Variants in TNC observed in about 807,000 individuals in gnomAD.
The protein encoded by TNC is tenascin.
A neutral mutation model predicts 202.4 loss-of-function variants in TNC; 109 were observed. The ratio of observed to expected loss-of-function variants is 0.54; its 90% CI spans 0.46 to 0.63. TNC has a LOEUF of 0.63. Ranked by LOEUF, TNC falls within the 30% of genes least tolerant of loss-of-function variation. The pLI, the probability that TNC is intolerant of heterozygous loss-of-function variation, is 0.00. For missense variants in TNC, 2,756 were observed against 2,833.3 expected (o/e 0.97, Z 0.62); for synonymous variants, 1,007 against 1,089.7 (o/e 0.92, Z 1.50).
Position 115,020,655 on chromosome 9 carries a change from A to G in TNC, c.*502T>C, listed in dbSNP as rs1330581005. The stretch of plus-strand genomic sequence containing the variant: ...TCATCATCATCATCATCATTATTAT[A>G]TTAATAATATTAATCATATCCTTAA... On this transcript the variant is annotated 3_prime_UTR_variant, in exon 28 of 28. Transcript: ENST00000350763. 2.8e-6 allele frequency: 1 copy of G among 358,426 alleles called. No homozygotes were observed. Among genetic ancestry groups the G allele is most frequent in the East Asian group, 7.6e-5 (1 of 13,188 alleles). 22.2% of individuals were successfully genotyped at this position (358,426 alleles called of 1,614,324 possible). A position where few individuals can be genotyped will look rare whatever the true frequency, so the allele number is the denominator to read the frequency against.
At chr9:115,023,037 CA>C (rs112725157) in intron 27 of TNC, among the ~76,000 whole-genome samples, 1,633 of 122,082 alleles carry the variant, frequency 0.013, 15 homozygotes, top group East Asian at 0.033. Context: ...TGCAAATATG[CA>C]AAAAAAAAAA....
Position 115,077,990 on chromosome 9 carries a change from C to T in TNC, c.2627G>A (p.Arg876His), listed in dbSNP as rs767970567. ...DTEYEVSLIS[R>H]RGDMSSNPAK... ...TGGGTTGCTTGACATGTCACCTCTGCGGGAGATGAGGGACACCTCGTACTC... is the reference window on the plus strand; with the variant it reads ...TGGGTTGCTTGACATGTCACCTCTGTGGGAGATGAGGGACACCTCGTACTC... Residue 876 changes from arginine to histidine, a missense_variant, in exon 7 of 28, where the codon CGC becomes CAC. Transcript: ENST00000350763. 9 of 1,614,172 alleles carry T rather than the reference C, an allele frequency of 5.6e-6. No homozygotes were observed. The highest frequency in any genetic ancestry group is 3.3e-5 in the South Asian group (3 of 91,088).
Position 115,057,167 on chromosome 9 carries a change from G to A in TNC, c.4565C>T (p.Ala1522Val), listed in dbSNP as rs769471200. 5 of 1,612,854 alleles carry A rather than the reference G, an allele frequency of 3.1e-6. No homozygotes were observed. The highest frequency in any genetic ancestry group is 3.3e-5 in the Admixed American group (2 of 59,922). Residue 1522 changes from alanine to valine, a missense_variant, in exon 15 of 28, where the codon GCC (alanine) becomes GTC (valine). By Grantham distance (64) the Ala-to-Val change is moderately conservative. Coordinates refer to ENST00000350763, the MANE Select transcript of TNC (RefSeq NM_002160.4). ...APSIRTKTIS[A>V]TATTEALPLL... ...TGCACATGTACCTGTCGTGGCTGTG[G>A]CACTGATGGTTTTGGTCCGGATGCT...
intron 1 of TNC, among the ~76,000 whole-genome samples, chr9:115,093,228 G>C (rs1272041): frequency 0.42 from 63,991 of 151,858 alleles, 13,819 homozygotes; most frequent in African/African-American, 0.51. Context: ...TAAGAAGGTC[G>C]TATCCACATA....
rs138416542 is a variant in TNC, at chr9:115,063,967, T to C, written c.3589A>G (p.Ile1197Val). 401 of 1,614,092 alleles carry C rather than the reference T, an allele frequency of 2.5e-4. 2 individuals are homozygous for C. In the South Asian group the frequency reaches 2.5e-3, roughly 10 times the overall value. The change falls in exon 12 of 28, where the codon ATT (isoleucine) becomes GTT (valine). Residue 1197 changes from isoleucine to valine, a missense_variant. Coordinates refer to ENST00000350763, the MANE Select transcript of TNC (RefSeq NM_002160.4). ...ACTGTGTCAGCCTCCTGCACCTGAA[T>C]GAAAAAGTACTCATAGGCCCCTTCT... ...APEGAYEYFF[I>V]QVQEADTVEA... is the part of the protein sequence containing the mutation.
rs2132168956 is a variant in TNC at position 115,048,240 on chromosome 9, G to T, written c.4852+20C>A. ...AGGGGACCAGGAAGAGGAACAAATG[G>T]CTCACTTGATTTGAAATACCTGTAA... On this transcript the variant is annotated intron_variant, in intron 16 of 27. Transcript: ENST00000350763. 1 of 1,608,894 alleles carries T rather than the reference G, an allele frequency of 6.2e-7. No homozygotes were observed. The highest frequency in any genetic ancestry group is 8.5e-7 in the Non-Finnish European group (1 of 1,176,716).
At position 115,063,980 on chromosome 9, in the gene TNC, A is replaced by G. The variant is rs1470197996; in HGVS notation, c.3576T>C (p.Tyr1192=). Residue 1192 remains tyrosine, a synonymous_variant, in exon 12 of 28, where the codon TAT becomes TAC. Transcript: ENST00000350763. ...CCTGCACCTGAATGAAAAAGTACTC[A>G]TAGGCCCCTTCTGGAGCAGTCCAGT... The part of the protein sequence containing the change: ...KLNWTAPEGA[Y]EYFFIQVQEA... 1.9e-6 allele frequency: 3 copies of G among 1,614,028 alleles called. No individual in the cohort carries two copies. In the Admixed American group the frequency reaches 5.0e-5, roughly 27 times the overall value.
chr9:115,065,649 C>G (rs1177127884), intron 10 of TNC, among the ~76,000 whole-genome samples: 1 of 151,884 alleles, frequency 6.6e-6, no homozygotes, highest in Non-Finnish European at 1.5e-5. Flanking sequence ...TCTTAGATAC[C>G]CTTCTTTTTT....
chr9:115,086,467 G>T lies in TNC; in HGVS notation c.1264C>A (p.Gln422Lys). The change falls in exon 3 of 28, where the codon CAG becomes AAG. Residue 422 changes from glutamine to lysine, a missense_variant. Gln to Lys is a moderately conservative substitution (Grantham distance 53, BLOSUM62 1). This residue lies in a region of TNC where 2,559 missense variants were observed against 2,546.0 expected (regional missense o/e 1.01). Coordinates refer to ENST00000350763, the MANE Select transcript of TNC (RefSeq NM_002160.4). The part of the protein sequence containing the change: ...CSGHGRCVNG[Q>K]CVCDEGYTGE... ...GTATAGCCCTCATCACACACACACT[G>T]CCCATTGACACAGCGGCCATGGCCA... The T allele has an allele frequency of 2.5e-6, 4 of 1,613,194 alleles. No individual in the cohort carries two copies. Among genetic ancestry groups the T allele is most frequent in the African/African-American group, 1.3e-5 (1 of 74,772 alleles).
In TNC at chr9:115,086,124, C is replaced by G. The variant is rs1163740562; in HGVS notation, c.1607G>C (p.Cys536Ser). The G allele has an allele frequency of 6.2e-7, 1 of 1,614,008 alleles. No individual in the cohort carries two copies. Among genetic ancestry groups the G allele is most frequent in the Non-Finnish European group, 8.5e-7 (1 of 1,179,908 alleles). The change falls in exon 3 of 28, where the codon TGC becomes TCC. Residue 536 changes from cysteine to serine, a missense_variant. Around this residue, in one of 2 missense-constraint regions of TNC, gnomAD observed 2,559 missense variants for 2,546.0 expected, o/e 1.01. Coordinates refer to ENST00000350763, the MANE Select transcript of TNC (RefSeq NM_002160.4). ...ATTCACACAGCGACCCTGGCCATGG[C>G]AGTCATTTGGACAGGAGAGTTCTGC... is the stretch of plus-strand genomic sequence containing the variant. ...DCAELSCPND[C>S]HGQGRCVNGQ... is the part of the protein sequence containing the mutation.
At chr9:115,064,312 A>G (rs925112236) in intron 11 of TNC, among the ~76,000 whole-genome samples, 4 of 152,036 alleles carry the variant, frequency 2.6e-5, no homozygotes, top group Non-Finnish European at 4.4e-5. Flanking sequence ...TAGATGAGAG[A>G]ATTTTGTGAT....
chr9:115,021,755 A>T (rs1271288687), intron 27 of TNC, among the ~76,000 whole-genome samples: 2 of 152,206 alleles, frequency 1.3e-5, no homozygotes, highest in African/African-American at 4.8e-5. Flanking sequence ...TTACAATTTG[A>T]CATATAGGGT....
At chr9:115,023,913 C>G (rs1034994820) in intron 27 of TNC, 60 bp downstream of exon 27, 9 of 1,561,424 alleles carry the variant, frequency 5.8e-6, no homozygotes, top group Non-Finnish European at 6.1e-6. Flanking sequence ...AATTGTACTT[C>G]CATTAGCCCC....
At chr9:115,022,442 A>C (rs76906475) in intron 27 of TNC, among the ~76,000 whole-genome samples, 5,871 of 152,300 alleles carry the variant, frequency 0.039, 270 homozygotes, top group East Asian at 0.14. Flanking sequence ...TGCAGAGGCC[A>C]CACAGCAGGA....
chr9:115,084,957 C>T (rs1834595882), intron 3 of TNC, among the ~76,000 whole-genome samples: 2 of 152,190 alleles, frequency 1.3e-5, no homozygotes, highest in Admixed American at 1.3e-4. Context: ...TCCCTGCCAG[C>T]CTGGTGTTCT....
Position 115,057,249 on chromosome 9 carries a change from T to C in TNC, c.4483A>G (p.Ile1495Val). The C allele has an allele frequency of 2.5e-6, 4 of 1,614,176 alleles. No homozygotes were observed. Among genetic ancestry groups the C allele is most frequent in the Non-Finnish European group, 3.4e-6 (4 of 1,180,028 alleles). ...NISGAERTAH[I>V]SGLPPSTDFI... ...TCAGTACTAGGGGGTAGCCCTGAGA[T>C]ATGGGCAGTTCGTTCAGCACCAGAG... is the stretch of plus-strand genomic sequence containing the variant. Residue 1495 changes from isoleucine to valine, a missense_variant, in exon 15 of 28, where the codon ATC becomes GTC. By Grantham distance (29) the Ile-to-Val change is conservative. This residue lies in a region of TNC where 2,559 missense variants were observed against 2,546.0 expected (regional missense o/e 1.01). Coordinates refer to ENST00000350763, the MANE Select transcript of TNC (RefSeq NM_002160.4).
rs2274835 is a variant in TNC at position 115,076,345 on chromosome 9, C to G, written c.2860+45G>C. 0.11 allele frequency: 181,433 copies of G among 1,602,214 alleles called. 10,894 individuals carry two copies. The highest frequency in any genetic ancestry group is 0.17 in the Middle Eastern group (1,003 of 5,922). On this transcript the variant is annotated intron_variant, in intron 8 of 27. Transcript: ENST00000350763. Reference sequence around the variant, plus strand: ...GAGCAGGTGCCCATCCTTTAAGGGCCCTCTAGGGCTGGCTGGCTCAGGCTT... The same window carrying G: ...GAGCAGGTGCCCATCCTTTAAGGGCGCTCTAGGGCTGGCTGGCTCAGGCTT...
rs1039764335 is a variant in TNC, at chr9:115,091,162, C to T, written c.-136-8G>A. On this transcript the variant is annotated splice_polypyrimidine_tract_variant and splice_region_variant and intron_variant, in intron 1 of 27. Coordinates refer to ENST00000350763, the MANE Select transcript of TNC (RefSeq NM_002160.4). ...TCTTGAAAGAATTATTTTCTACAAG[C>T]AAAGATGAACAAAAAAATTATGAGT... is the stretch of plus-strand genomic sequence containing the variant. 7.7e-6 allele frequency: 5 copies of T among 648,858 alleles called. No homozygotes were observed. The highest frequency in any genetic ancestry group is 7.3e-5 in the African/African-American group (4 of 54,770). The allele number at this position is 648,858 out of a possible 1,614,324, so 40.2% of individuals were successfully genotyped here. A position where few individuals can be genotyped will look rare whatever the true frequency, so the allele number is the denominator to read the frequency against.
chr9:115,111,072 G>A (rs2480931), intron 1 of TNC, among the ~76,000 whole-genome samples: 64,040 of 151,640 alleles, frequency 0.42, 13,883 homozygotes, highest in Admixed American at 0.51. Flanking sequence ...GTAGAGACGG[G>A]GTTTCACCAT....
Sources: gnomAD v4.1 joint callset for allele counts (sites outside exome capture counted in the v4.1 genomes callset) on GRCh38, gnomAD v4.1.1 for gene constraint, gnomAD v4.1.1 regional missense constraint, MANE v1.5 for transcripts, NCBI Gene and HGNC (gene_info 2026-07-23, HGNC 2026-07-21) for gene names.